SARDH: variants seen among roughly 807,000 people sequenced by gnomAD.
SARDH encodes sarcosine dehydrogenase, mitochondrial.
SARDH carries 95 observed loss-of-function variants against 109.1 expected under a neutral mutation model. The ratio of observed to expected loss-of-function variants is 0.87; its 90% confidence interval spans 0.74 to 1.03. The LOEUF (loss-of-function observed/expected upper bound fraction) is 1.03, where lower values mean the gene tolerates loss of function less well. SARDH is among the 50% of genes least tolerant of loss of function. SARDH has a pLI of 0.00. For synonymous variants in SARDH, 572 were observed against 534.8 expected (o/e 1.07, Z -0.96); for missense variants, 1,267 against 1,287.8 (o/e 0.98, Z 0.25).
chr9:133,676,905 G>A (rs1359363003), intron 17 of SARDH, among the ~76,000 whole-genome samples: 3 of 152,196 alleles, frequency 2.0e-5, no homozygotes, highest in South Asian at 2.1e-4. Context: ...TTGGGAGGCC[G>A]AGTTGGGCGG....
chr9:133,737,104 GGGAC>G (rs1454765048), intron 1 of SARDH, among the ~76,000 whole-genome samples: 1 of 152,176 alleles, frequency 6.6e-6, no homozygotes, highest in African/African-American at 2.4e-5. Flanking sequence ...CCATCCCAGG[GGGAC>G]TCAGGACCCA....
intron 6 of SARDH, among the ~76,000 whole-genome samples, chr9:133,727,035 C>T (rs562375512): frequency 3.0e-4 from 46 of 152,330 alleles, no homozygotes; most frequent in African/African-American, 1.0e-3. Context: ...AAACCCAGCA[C>T]CCAGGCTCTT....
In SARDH at chr9:133,663,752, G is replaced by T; in HGVS notation, c.*137C>A. Reference sequence around the variant, plus strand: ...GTCTCTGTCCGTATCTGGTTTGGGGGTTTTCGCAGGACTAGGCCTAGGCTA... The same window carrying T: ...GTCTCTGTCCGTATCTGGTTTGGGGTTTTTCGCAGGACTAGGCCTAGGCTA... On this transcript the variant is annotated 3_prime_UTR_variant, in exon 21 of 21. Coordinates refer to ENST00000439388, the MANE Select transcript of SARDH (RefSeq NM_001134707.2). The T allele has an allele frequency of 8.0e-7, 1 of 1,253,446 alleles. No individual in the cohort carries two copies. Among genetic ancestry groups the T allele is most frequent in the Non-Finnish European group, 1.1e-6 (1 of 895,466 alleles). 77.6% of individuals were successfully genotyped at this position (1,253,446 alleles called of 1,614,324 possible). A position where few individuals can be genotyped will look rare whatever the true frequency, so the allele number is the denominator to read the frequency against.
intron 3 of SARDH, 97 bp downstream of exon 3, chr9:133,732,326 A>G: frequency 2.8e-5 from 14 of 497,216 alleles, no homozygotes; most frequent in Non-Finnish European, 4.3e-5. Context: ...AGCCCACCCT[A>G]CCCCCCCACA....
chr9:133,684,299 C>T (rs1830807416), intron 17 of SARDH, among the ~76,000 whole-genome samples: 2 of 152,232 alleles, frequency 1.3e-5, no homozygotes, highest in Non-Finnish European at 2.9e-5. Context: ...CAGAGAGGAT[C>T]TCCTCCAAAC....
At chr9:133,688,659 C>A (rs974671315) in intron 16 of SARDH, among the ~76,000 whole-genome samples, 1 of 152,250 alleles carries the variant, frequency 6.6e-6, no homozygotes, top group Non-Finnish European at 1.5e-5. Flanking sequence ...CGGCTCCTGG[C>A]CTGCTCCATC....
intron 6 of SARDH, among the ~76,000 whole-genome samples, chr9:133,724,831 A>T (rs902586921): frequency 6.6e-6 from 1 of 152,176 alleles, no homozygotes; most frequent in Non-Finnish European, 1.5e-5. Context: ...GCATCATGTT[A>T]GTGCTCAAAA....
intron 17 of SARDH, among the ~76,000 whole-genome samples, chr9:133,682,042 C>T (rs1830714782): frequency 6.6e-6 from 1 of 152,190 alleles, no homozygotes; most frequent in South Asian, 2.1e-4. Flanking sequence ...AAGAACACAC[C>T]ACAGAGTGAC....
chr9:133,660,951 C>A (rs1470230553), downstream of SARDH, among the ~76,000 whole-genome samples: 1 of 152,128 alleles, frequency 6.6e-6, no homozygotes, highest in Admixed American at 6.5e-5. Context: ...GCCTGTAATC[C>A]CAGCACTTTG....
intron 6 of SARDH, chr9:133,725,473 G>A: frequency 2.4e-6 from 1 of 409,886 alleles, no homozygotes; most frequent in Non-Finnish European, 4.9e-6. Context: ...AGGAGTTCGA[G>A]ACCAGCCTTG....
At chr9:133,708,526 A>T (rs495464) in intron 10 of SARDH, 98 bp from the exon 11 acceptor site, 639,585 of 1,432,250 alleles carry the variant, frequency 0.45, 144,643 homozygotes, top group South Asian at 0.55. Flanking sequence ...GGTCCCCTGC[A>T]CCAGAGTCCC....
Position 133,718,643 on chromosome 9 carries a change from T to C in SARDH, c.1020+295A>G, listed in dbSNP as rs1359715304. ...GGGCAGTGTCATTTGCTGAAGGACG[T>C]AGGACTTGTGTGCTCTCATGCCCTT... On this transcript the variant is annotated intron_variant, in intron 7 of 20. Transcript: ENST00000439388. The surrounding 1 kb of genome is among the most constrained non-coding windows in gnomAD (Gnocchi z 4.2). The C allele has an allele frequency of 2.6e-6, 2 of 778,694 alleles. No individual in the cohort carries two copies. Among genetic ancestry groups the C allele is most frequent in the South Asian group, 2.7e-5 (2 of 74,590 alleles). The allele number at this position is 778,694 out of a possible 1,614,324, so 48.2% of individuals were successfully genotyped here.
Position 133,712,699 on chromosome 9 carries a change from C to T in SARDH, c.1248G>A (p.Leu416=). The change falls in exon 10 of 21, where the codon CTG becomes CTA. Residue 416 remains leucine, a synonymous_variant. Coordinates refer to ENST00000439388, the MANE Select transcript of SARDH (RefSeq NM_001134707.2). The surrounding 1 kb of genome is among the most constrained non-coding windows in gnomAD (Gnocchi z 4.1). ...GCGFNSAGMM[L]GGGCGQELAH... ...CCAGCTCCTGCCCACAGCCACCACC[C>T]AGCATCATTCCTGGCAGGAAGAGAA... The T allele has an allele frequency of 6.2e-7, 1 of 1,609,250 alleles. No homozygotes were observed.
chr9:133,697,484 C>A (rs1831326396), intron 13 of SARDH, among the ~76,000 whole-genome samples: 1 of 152,130 alleles, frequency 6.6e-6, no homozygotes, highest in Admixed American at 6.5e-5. Context: ...AAACTACAGA[C>A]CAATATTTCT....
chr9:133,739,814 G>A (rs910604443), upstream of SARDH: 1 of 152,388 alleles, frequency 6.6e-6, no homozygotes, highest in African/African-American at 2.4e-5. Context: ...AGAGGGCAAG[G>A]AAGGAGTGTG....
chr9:133,682,196 T>C (rs1048723695), intron 17 of SARDH, among the ~76,000 whole-genome samples: 9 of 152,002 alleles, frequency 5.9e-5, no homozygotes, highest in East Asian at 1.9e-4. Context: ...GTGGACCCGG[T>C]GTGAAACACA....
chr9:133,706,764 C>T (rs4979633), intron 11 of SARDH, among the ~76,000 whole-genome samples: 32,507 of 152,126 alleles, frequency 0.21, 3,977 homozygotes, highest in East Asian at 0.36. Flanking sequence ...CTGACTGGAA[C>T]GAGGCCCCGA....
chr9:133,671,099 C>T (rs1475455537), intron 18 of SARDH, among the ~76,000 whole-genome samples: 12 of 152,144 alleles, frequency 7.9e-5, no homozygotes, highest in South Asian at 2.1e-4. Flanking sequence ...GCTGGGGAAC[C>T]GCCCAAAGCC....
Position 133,733,990 on chromosome 9 carries a change from G to A in SARDH, c.184C>T (p.Pro62Ser), listed in dbSNP as rs919029136. 1 of 1,612,556 alleles carries A rather than the reference G, an allele frequency of 6.2e-7. No individual in the cohort carries two copies. The highest frequency in any genetic ancestry group is 1.1e-5 in the South Asian group (1 of 91,018). The change falls in exon 2 of 21, where the codon CCC (proline) becomes TCC (serine). Residue 62 changes from proline (P) to serine (S), a missense_variant. Transcript: ENST00000439388. ...ACCACGTTGGCCGTGCTGGGCAGGG[G>A]CCGGCTTGGGCCTTGGGCCACCACC... ...TSVVAQGPSR[P>S]LPSTANVVVI...
Sources: allele counts gnomAD v4.1 joint callset (sites outside exome capture counted in the v4.1 genomes callset), GRCh38; gene constraint gnomAD v4.1.1; non-coding constraint Gnocchi (gnomAD v3.1); transcripts MANE v1.5; gene names NCBI Gene and HGNC (gene_info 2026-07-23, HGNC 2026-07-21).